The following MECOM variants were observed in gnomAD, a reference collection of about 807,000 sequenced individuals.
The protein encoded by MECOM is histone-lysine N-methyltransferase MECOM.
In MECOM, 13 loss-of-function variants were observed where a neutral mutation model predicts 116.3. That is an observed-to-expected ratio of 0.11 (90% CI 0.07 to 0.18). The LOEUF (loss-of-function observed/expected upper bound fraction) is 0.18, where lower values mean the gene tolerates loss of function less well. Ranked by LOEUF, MECOM falls within the 10% of genes least tolerant of loss-of-function variation. The pLI is 1.00. For missense variants in MECOM, 1,299 were observed against 1,509.0 expected (o/e 0.86, Z 2.31); for synonymous variants, 528 against 535.2 (o/e 0.99, Z 0.19).
chr3:169,343,834 T>C (rs1724942413), intron 2 of MECOM, among the ~76,000 whole-genome samples: 1 of 152,186 alleles, frequency 6.6e-6, no homozygotes, highest in East Asian at 1.9e-4. Context: ...GGTTGGAACA[T>C]ACTTAAATTA....
At chr3:169,644,978 T>A (rs1306120140) in intron 1 of MECOM, among the ~76,000 whole-genome samples, 2 of 152,146 alleles carry the variant, frequency 1.3e-5, no homozygotes, top group Non-Finnish European at 2.9e-5. Flanking sequence ...TCGGCATAAG[T>A]ACACACAAAT....
chr3:169,503,287 T>C (rs955215147), intron 1 of MECOM, among the ~76,000 whole-genome samples: 3 of 152,144 alleles, frequency 2.0e-5, no homozygotes, highest in Non-Finnish European at 2.9e-5. Context: ...ATCCCTCCAA[T>C]TCCCAGAGGC....
At chr3:169,534,258 A>G (rs1400682258) in intron 1 of MECOM, among the ~76,000 whole-genome samples, 1 of 152,182 alleles carries the variant, frequency 6.6e-6, no homozygotes, top group African/African-American at 2.4e-5. Flanking sequence ...CATCCCCTCC[A>G]TCTGTCCTTC....
At chr3:169,099,735 A>G (rs1490424258) in intron 12 of MECOM, among the ~76,000 whole-genome samples, 4 of 152,182 alleles carry the variant, frequency 2.6e-5, no homozygotes, top group Admixed American at 6.5e-5. Flanking sequence ...TGACATTATG[A>G]TATTACTTAA....
intron 1 of MECOM, among the ~76,000 whole-genome samples, chr3:169,610,963 G>C (rs543358401): frequency 5.9e-5 from 9 of 152,288 alleles, no homozygotes; most frequent in South Asian, 2.1e-4. Flanking sequence ...GGTTTCCTCT[G>C]TGGGTTTCAC....
chr3:169,125,397 A>G (rs1732495533), intron 5 of MECOM, among the ~76,000 whole-genome samples: 1 of 152,244 alleles, frequency 6.6e-6, no homozygotes, highest in Non-Finnish European at 1.5e-5. Context: ...ATATTCTACT[A>G]TGCTATATAT....
intron 1 of MECOM, among the ~76,000 whole-genome samples, chr3:169,563,688 G>A (rs1172703176): frequency 2.0e-5 from 3 of 152,168 alleles, no homozygotes; most frequent in Admixed American, 1.3e-4. Context: ...GGTGTGAAGG[G>A]TGCTGGACAG....
chr3:169,483,977 C>G (rs1751768702), intron 1 of MECOM: 12 of 1,600,702 alleles, frequency 7.5e-6, no homozygotes, highest in African/African-American at 1.3e-5. Flanking sequence ...AGGGTGGGTG[C>G]AATCAAGAGT....
At position 169,115,596 on chromosome 3, in the gene MECOM, G is replaced by A. The variant is rs1305420151; in HGVS notation, c.2276C>T (p.Ser759Phe). 2 of 1,614,140 alleles carry A rather than the reference G, an allele frequency of 1.2e-6. No homozygotes were observed. The highest frequency in any genetic ancestry group is 2.7e-5 in the African/African-American group (2 of 75,032). Residue 759 changes from serine to phenylalanine, a missense_variant, in exon 8 of 17, where the codon TCC (serine) becomes TTC (phenylalanine). By Grantham distance (155) the Ser-to-Phe change is radical (BLOSUM62 -2). Around this residue, in one of 6 missense-constraint regions of MECOM, gnomAD observed 340 missense variants for 312.6 expected, o/e 1.09. Coordinates refer to ENST00000651503, the MANE Select transcript of MECOM (RefSeq NM_004991.4). ...TGTGGCAGGTGTCACTGGAGGCTTG[G>A]AGGGGACTGGAGTCAAGGGCTTCTC... ...KDEKPLTPVP[S>F]KPPVTPATSQ...
chr3:169,496,256 G>T (rs1375435667), intron 1 of MECOM, among the ~76,000 whole-genome samples: 2 of 152,208 alleles, frequency 1.3e-5, no homozygotes, highest in African/African-American at 4.8e-5. Flanking sequence ...AAGCCTTAAA[G>T]ATTCCCTTGA....
At position 169,381,345 on chromosome 3, in the gene MECOM, C is replaced by T. The variant is rs761171278; in HGVS notation, c.217G>A (p.Asp73Asn). Reference sequence around the variant, plus strand: ...TCAAACTCAGCAGGAATGGGGATATCATCAGGGATGTAGATGGGGGCTTTG... The same window carrying T: ...TCAAACTCAGCAGGAATGGGGATATTATCAGGGATGTAGATGGGGGCTTTG... The part of the protein sequence containing the change: ...PYKAPIYIPD[D>N]IPIPAEFELR... The change falls in exon 2 of 17, where the codon GAT (aspartate) becomes AAT (asparagine). Residue 73 changes from aspartate to asparagine, a missense_variant. By Grantham distance (23) the Asp-to-Asn change is conservative (BLOSUM62 1). Transcript: ENST00000651503. 6.2e-7 allele frequency: 1 copy of T among 1,613,756 alleles called. No homozygotes were observed.
At chr3:169,564,972 A>G (rs1763058025) in intron 1 of MECOM, among the ~76,000 whole-genome samples, 1 of 152,242 alleles carries the variant, frequency 6.6e-6, no homozygotes, top group Admixed American at 6.5e-5. Context: ...ACAGGAGAAC[A>G]GGTGCAGCAA....
intron 2 of MECOM, among the ~76,000 whole-genome samples, chr3:169,162,501 T>C (rs565336399): frequency 2.0e-5 from 3 of 152,232 alleles, no homozygotes; most frequent in Non-Finnish European, 4.4e-5. Flanking sequence ...GGAAGCTTCA[T>C]GAAAGAGGTG....
intron 1 of MECOM, among the ~76,000 whole-genome samples, chr3:169,416,651 GAA>G (rs1738648897): frequency 6.6e-6 from 1 of 150,944 alleles, no homozygotes; most frequent in East Asian, 1.9e-4. Flanking sequence ...TAATAAGGAA[GAA>G]AAGAGAGACA....
chr3:169,170,013 T>A (rs921193802), intron 2 of MECOM, among the ~76,000 whole-genome samples: 2 of 152,180 alleles, frequency 1.3e-5, no homozygotes, highest in Non-Finnish European at 2.9e-5. Flanking sequence ...CTATTTCATA[T>A]ACATGCCTAC....
intron 1 of MECOM, among the ~76,000 whole-genome samples, chr3:169,459,899 G>A (rs529387844): frequency 3.3e-5 from 5 of 152,280 alleles, no homozygotes; most frequent in Admixed American, 6.5e-5. Flanking sequence ...AGAAGCACCC[G>A]AGACTGGCGT....
At chr3:169,352,513 A>AT (rs889525162) in intron 2 of MECOM, among the ~76,000 whole-genome samples, 4 of 151,716 alleles carry the variant, frequency 2.6e-5, no homozygotes, top group Admixed American at 6.6e-5. Context: ...TCCTTGCAAT[A>AT]TTTTTTTTCT....
At chr3:169,433,639 G>GAGAGAAAGAA (rs1553851604) in intron 1 of MECOM, among the ~76,000 whole-genome samples, 26 of 127,052 alleles carry the variant, frequency 2.0e-4, no homozygotes, top group African/African-American at 7.9e-4. Context: ...GAAAGAGAAA[G>GAGAGAAAGAA]AGAAAGAAAG....
chr3:169,403,141 C>T (rs1339186783), intron 1 of MECOM, among the ~76,000 whole-genome samples: 3 of 152,216 alleles, frequency 2.0e-5, no homozygotes, highest in African/African-American at 4.8e-5. Context: ...CCTGCTTATC[C>T]TCCCATCCCA....
Sources: gnomAD v4.1 joint callset for allele counts (sites outside exome capture counted in the v4.1 genomes callset) on GRCh38, gnomAD v4.1.1 for gene constraint, gnomAD v4.1.1 regional missense constraint, MANE v1.5 for transcripts, NCBI Gene and HGNC (gene_info 2026-07-23, HGNC 2026-07-21) for gene names.